SNX29: variants seen among roughly 807,000 people sequenced by gnomAD.
SNX29 encodes the protein sorting nexin 29, also known as sorting nexin-29.
SNX29 carries 78 observed loss-of-function variants against 102.1 expected under a neutral mutation model. The ratio of observed to expected loss-of-function variants is 0.76; its 90% confidence interval spans 0.64 to 0.92. The LOEUF (loss-of-function observed/expected upper bound fraction) is 0.92, where lower values mean the gene tolerates loss of function less well. Among genes scored for constraint, SNX29 ranks in the 40% least tolerant of loss-of-function variants. The pLI is 0.00. For missense variants in SNX29, 1,280 were observed against 1,061.7 expected, an observed-to-expected ratio of 1.21 and a Z score of -2.86; for synonymous variants, 580 against 414.5, an observed-to-expected ratio of 1.40 and a Z score of -4.85.
At chr16:12,458,008 C>T (rs2086613597) in intron 18 of SNX29, among the ~76,000 whole-genome samples, 1 of 152,194 alleles carries the variant, frequency 6.6e-6, no homozygotes, top group African/African-American at 2.4e-5. Flanking sequence ...TTTCATTACT[C>T]TGAAATGATT....
At chr16:12,297,614 A>G (rs535797062) in intron 15 of SNX29, among the ~76,000 whole-genome samples, 1 of 152,048 alleles carries the variant, frequency 6.6e-6, no homozygotes, top group South Asian at 2.1e-4. Context: ...AAAAATGATA[A>G]CCGTGGGTGG....
chr16:12,217,503 G>C (rs557779990), intron 14 of SNX29, among the ~76,000 whole-genome samples: 7 of 152,310 alleles, frequency 4.6e-5, no homozygotes, highest in African/African-American at 1.4e-4. Context: ...TCTAACACCT[G>C]TAGACAGGTA....
intron 20 of SNX29, among the ~76,000 whole-genome samples, chr16:12,527,692 G>A (rs1047328859): frequency 2.0e-5 from 3 of 152,170 alleles, no homozygotes; most frequent in African/African-American, 7.2e-5. Flanking sequence ...ATCCTAGGGT[G>A]TTTGGCACCA....
chr16:11,997,433 C>T (rs1340432432), intron 1 of SNX29, among the ~76,000 whole-genome samples: 2 of 152,032 alleles, frequency 1.3e-5, no homozygotes, highest in African/African-American at 2.4e-5. Context: ...TTTTGTCTTC[C>T]TAGTGTGACT....
chr16:12,190,904 C>T (rs935579413), intron 13 of SNX29, among the ~76,000 whole-genome samples: 1 of 152,162 alleles, frequency 6.6e-6, no homozygotes, highest in African/African-American at 2.4e-5. Flanking sequence ...TTCCCTCTTG[C>T]CCTGATGACC....
chr16:12,348,946 C>T (rs1329179845), intron 15 of SNX29, among the ~76,000 whole-genome samples: 1 of 152,198 alleles, frequency 6.6e-6, no homozygotes, highest in Non-Finnish European at 1.5e-5. Flanking sequence ...CCCCTCCACA[C>T]TGTCACCATC....
intron 16 of SNX29, among the ~76,000 whole-genome samples, chr16:12,369,666 G>C (rs78034934): frequency 1.3e-5 from 2 of 152,030 alleles, no homozygotes; most frequent in African/African-American, 2.4e-5. Context: ...TGGCTATGAC[G>C]CATCCCTCTA....
At chr16:12,208,617 A>T (rs577134823) in intron 14 of SNX29, among the ~76,000 whole-genome samples, 2 of 152,038 alleles carry the variant, frequency 1.3e-5, no homozygotes, top group Non-Finnish European at 2.9e-5. Context: ...GCCTTCAGGG[A>T]GCCATGACTG....
At chr16:12,209,204 C>G (rs17696926) in intron 14 of SNX29, among the ~76,000 whole-genome samples, 11,310 of 152,184 alleles carry the variant, frequency 0.074, 492 homozygotes, top group East Asian at 0.17. Context: ...TGTCCTAACT[C>G]TGTGACGGTT....
At chr16:12,166,902 A>G (rs1343340332) in intron 13 of SNX29, among the ~76,000 whole-genome samples, 2 of 152,218 alleles carry the variant, frequency 1.3e-5, no homozygotes, top group African/African-American at 4.8e-5. Flanking sequence ...AGCAAAACTC[A>G]AGCCCTACTA....
intron 19 of SNX29, among the ~76,000 whole-genome samples, chr16:12,520,989 A>C (rs1229835322): frequency 1.3e-5 from 2 of 152,120 alleles, no homozygotes; most frequent in African/African-American, 2.4e-5. Flanking sequence ...ACTTGAAGTC[A>C]GGAGTTCGAG....
At chr16:12,345,934 A>G (rs1386019678) in intron 15 of SNX29, among the ~76,000 whole-genome samples, 1 of 151,902 alleles carries the variant, frequency 6.6e-6, no homozygotes, top group African/African-American at 2.4e-5. Context: ...AGTAGAATGC[A>G]CCTCTGTGTG....
intron 14 of SNX29, among the ~76,000 whole-genome samples, chr16:12,235,054 T>C (rs993503866): frequency 6.6e-5 from 10 of 152,172 alleles, no homozygotes; most frequent in Admixed American, 5.2e-4. Context: ...CTCTTTCTCT[T>C]GGAATCTGTC....
chr16:12,540,027 T>G (rs1397782848), intron 20 of SNX29, among the ~76,000 whole-genome samples: 1 of 152,248 alleles, frequency 6.6e-6, no homozygotes, highest in Non-Finnish European at 1.5e-5. Flanking sequence ...ACCTTTTTAA[T>G]TTTGATGAAA....
At chr16:12,419,007 G>T (rs2084764141) in intron 18 of SNX29, among the ~76,000 whole-genome samples, 1 of 152,132 alleles carries the variant, frequency 6.6e-6, no homozygotes, top group Non-Finnish European at 1.5e-5. Flanking sequence ...GCTTGTAGTG[G>T]GCAGGGCCGG....
chr16:12,481,481 CAT>C lies in SNX29; in HGVS notation c.2178+3630_2178+3631del, dbSNP rs1204167938. ...ATATATATATACACATATATACACA[CAT>C]ATATATACACATATGTACATATACA... On this transcript the variant is annotated intron_variant, in intron 19 of 20. Transcript: ENST00000566228. Among the ~76,000 whole-genome samples the C allele has an allele frequency of 5.1e-4, 48 of 94,892 alleles. No homozygotes were observed. The South Asian group carries it at 6.7e-3, about 13-fold the overall frequency. 62.3% of individuals were successfully genotyped at this position (94,892 alleles called of 152,430 possible).
chr16:12,118,516 C>T (rs557110754), intron 11 of SNX29, among the ~76,000 whole-genome samples: 1 of 151,850 alleles, frequency 6.6e-6, no homozygotes, highest in African/African-American at 2.4e-5. Context: ...GATGGGATTT[C>T]ACTGTGTTGG....
chr16:12,289,474 T>G (rs1054710214), intron 15 of SNX29, among the ~76,000 whole-genome samples: 3 of 152,134 alleles, frequency 2.0e-5, no homozygotes, highest in African/African-American at 7.2e-5. Flanking sequence ...GGATACCTCG[T>G]TTCCCATTTC....
chr16:12,011,944 C>T (rs1320450103), intron 3 of SNX29, among the ~76,000 whole-genome samples: 3 of 152,146 alleles, frequency 2.0e-5, no homozygotes, highest in Non-Finnish European at 4.4e-5. Flanking sequence ...ACGTAATAAA[C>T]TCAAAACTTT....
Sources: allele counts gnomAD v4.1 joint callset (sites outside exome capture counted in the v4.1 genomes callset), GRCh38; gene constraint gnomAD v4.1.1; transcripts MANE v1.5; gene names NCBI Gene and HGNC (gene_info 2026-07-23, HGNC 2026-07-21).